ARHGAP42: variants seen among roughly 807,000 people sequenced by gnomAD.
ARHGAP42 encodes the protein Rho GTPase activating protein 42.
A neutral mutation model predicts 125.0 loss-of-function variants in ARHGAP42; 63 were observed. The observed-to-expected ratio is 0.50, with a 90% CI of 0.41 to 0.62. The LOEUF is 0.62. Ranked by LOEUF, ARHGAP42 falls within the 20% of genes least tolerant of loss-of-function variation. The pLI is 0.00. For missense variants in ARHGAP42, 766 were observed against 1,024.2 expected, an observed-to-expected ratio of 0.75 and a Z score of 3.44; for synonymous variants, 339 against 351.0, an observed-to-expected ratio of 0.97 and a Z score of 0.38.
rs566334473 is a variant in ARHGAP42 at position 100,801,671 on chromosome 11, T to G, written c.312+6505T>G. Among the ~76,000 whole-genome samples the G allele has an allele frequency of 1.1e-4, 16 of 152,338 alleles. No homozygotes were observed. The East Asian group carries it at 1.5e-3, about 15-fold the overall frequency. On this transcript the variant is annotated intron_variant, in intron 3 of 23. Coordinates refer to ENST00000298815, the MANE Select transcript of ARHGAP42 (RefSeq NM_152432.4). ...CTAAAGCCAACTAAAATGCATAGTTTTAATGCAACAAAAAAGCACCTGAGA... is the reference window on the plus strand; with the variant it reads ...CTAAAGCCAACTAAAATGCATAGTTGTAATGCAACAAAAAAGCACCTGAGA...
At chr11:100,747,226 C>T (rs1862325393) in intron 1 of ARHGAP42, among the ~76,000 whole-genome samples, 3 of 152,114 alleles carry the variant, frequency 2.0e-5, no homozygotes. Context: ...ACTTTATAGT[C>T]CTTGGTGCCT....
At chr11:100,910,015 A>G (rs1394954209) in intron 4 of ARHGAP42, among the ~76,000 whole-genome samples, 2 of 152,182 alleles carry the variant, frequency 1.3e-5, no homozygotes, top group Non-Finnish European at 2.9e-5. Context: ...GACATGTGGC[A>G]TGACCATGGT....
intron 1 of ARHGAP42, among the ~76,000 whole-genome samples, chr11:100,750,733 C>T (rs184719076): frequency 1.8e-3 from 264 of 147,908 alleles, no homozygotes; most frequent in Non-Finnish European, 2.9e-3. Context: ...AGCAGGTAGT[C>T]GGAATGAGTC....
At chr11:100,907,536 G>A (rs1454067801) in intron 4 of ARHGAP42, among the ~76,000 whole-genome samples, 3 of 152,196 alleles carry the variant, frequency 2.0e-5, no homozygotes, top group Non-Finnish European at 4.4e-5. Flanking sequence ...TGGAGAATGG[G>A]TTGGAGAGAT....
intron 3 of ARHGAP42, among the ~76,000 whole-genome samples, chr11:100,849,857 T>G (rs1237118082): frequency 6.6e-6 from 1 of 152,182 alleles, no homozygotes; most frequent in Non-Finnish European, 1.5e-5. Flanking sequence ...GACATAAACA[T>G]CCCAAGTAAG....
chr11:100,899,835 C>T (rs1866489635), intron 4 of ARHGAP42, among the ~76,000 whole-genome samples: 1 of 151,260 alleles, frequency 6.6e-6, no homozygotes, highest in African/African-American at 2.4e-5. Context: ...GAATACAGCA[C>T]ACTGATAGGT....
chr11:100,798,731 A>G (rs931087340), intron 3 of ARHGAP42, among the ~76,000 whole-genome samples: 2 of 152,180 alleles, frequency 1.3e-5, no homozygotes, highest in Admixed American at 6.5e-5. Flanking sequence ...ACTTTATTGC[A>G]GTAACTTGGA....
chr11:100,969,569 A>T (rs1396524135), intron 17 of ARHGAP42, among the ~76,000 whole-genome samples: 3 of 151,700 alleles, frequency 2.0e-5, no homozygotes, highest in African/African-American at 2.4e-5. Flanking sequence ...CATTCCTCAG[A>T]TTGCATAGTC....
chr11:100,885,124 G>A (rs1028039403), intron 4 of ARHGAP42, among the ~76,000 whole-genome samples: 6 of 152,162 alleles, frequency 3.9e-5, no homozygotes, highest in South Asian at 2.1e-4. Context: ...TGTATATTCC[G>A]ATCTGACCCC....
chr11:100,794,055 A>G (rs905084049), intron 2 of ARHGAP42, among the ~76,000 whole-genome samples: 2 of 143,398 alleles, frequency 1.4e-5, no homozygotes, highest in Non-Finnish European at 3.0e-5. Context: ...CAATCCGAAC[A>G]ACAGAGCTAG....
chr11:100,817,386 T>C (rs1296302576), intron 3 of ARHGAP42, among the ~76,000 whole-genome samples: 3 of 152,214 alleles, frequency 2.0e-5, no homozygotes. Flanking sequence ...ATCTGACTTA[T>C]AATTAGTTGG....
chr11:100,920,813 T>TA lies in ARHGAP42; in HGVS notation c.487-680dup, dbSNP rs1867218679. ...CATCAGTTTAGAGCCATTGAATTTT[T>TA]ATTTGTCTGTTTATTTGTTTGACTC... On this transcript the variant is annotated intron_variant, in intron 5 of 23. Coordinates refer to ENST00000298815, the MANE Select transcript of ARHGAP42 (RefSeq NM_152432.4). Among the ~76,000 whole-genome samples the TA allele has an allele frequency of 6.6e-5, 10 of 152,300 alleles. No individual in the cohort carries two copies. The South Asian group carries it at 1.9e-3, about 28-fold the overall frequency.
chr11:100,805,401 G>A (rs770796197), intron 3 of ARHGAP42, among the ~76,000 whole-genome samples: 7 of 152,104 alleles, frequency 4.6e-5, no homozygotes, highest in Non-Finnish European at 7.4e-5. Context: ...AGGGAAGAAG[G>A]GAAGAAGATA....
intron 4 of ARHGAP42, among the ~76,000 whole-genome samples, chr11:100,880,010 C>T (rs967607276): frequency 3.3e-5 from 5 of 152,190 alleles, no homozygotes; most frequent in African/African-American, 4.8e-5. Context: ...CAATGTTCAT[C>T]TTGCAACTGA....
chr11:100,864,285 T>C (rs1398351878), intron 4 of ARHGAP42, among the ~76,000 whole-genome samples: 2 of 151,676 alleles, frequency 1.3e-5, no homozygotes, highest in Non-Finnish European at 2.9e-5. Context: ...CCCGGCTTCA[T>C]GTGATTCTCC....
intron 3 of ARHGAP42, among the ~76,000 whole-genome samples, chr11:100,826,136 A>G (rs1864511203): frequency 1.3e-5 from 2 of 151,662 alleles, no homozygotes; most frequent in African/African-American, 4.9e-5. Flanking sequence ...AAAGTGTTAT[A>G]TTGAAGGATT....
chr11:100,909,830 G>T (rs1209370878), intron 4 of ARHGAP42, among the ~76,000 whole-genome samples: 1 of 152,156 alleles, frequency 6.6e-6, no homozygotes, highest in Non-Finnish European at 1.5e-5. Flanking sequence ...TCAAAGATCA[G>T]TTGGTTGTAA....
At chr11:100,902,301 A>G (rs1303318282) in intron 4 of ARHGAP42, among the ~76,000 whole-genome samples, 1 of 152,178 alleles carries the variant, frequency 6.6e-6, no homozygotes, top group Non-Finnish European at 1.5e-5. Flanking sequence ...TGAGTGGCCT[A>G]TAATTAATTC....
intron 4 of ARHGAP42, among the ~76,000 whole-genome samples, chr11:100,899,039 G>A (rs1045318211): frequency 3.9e-5 from 6 of 152,138 alleles, no homozygotes; most frequent in Non-Finnish European, 7.3e-5. Flanking sequence ...CTGGTACATT[G>A]TGTCTTTGTT....
Sources: gnomAD v4.1 joint callset for allele counts (sites outside exome capture counted in the v4.1 genomes callset) on GRCh38, gnomAD v4.1.1 for gene constraint, MANE v1.5 for transcripts, NCBI Gene and HGNC (gene_info 2026-07-23, HGNC 2026-07-21) for gene names.